RAPH1: variants seen among roughly 807,000 people sequenced by gnomAD.
RAPH1 encodes Ras association (RalGDS/AF-6) and pleckstrin homology domains 1.
In RAPH1, 18 loss-of-function variants were observed where a neutral mutation model predicts 88.1. That is an observed-to-expected ratio of 0.20 (90% CI 0.14 to 0.30). RAPH1 has a LOEUF of 0.30. RAPH1 is among the 10% of genes least tolerant of loss of function. RAPH1 has a pLI of 1.00. For missense variants in RAPH1, 1,448 were observed against 1,543.2 expected, an observed-to-expected ratio of 0.94 and a Z score of 1.03; for synonymous variants, 587 against 559.0, an observed-to-expected ratio of 1.05 and a Z score of -0.71.
At chr2:203,487,573 CAG>C (rs1217562785) in intron 4 of RAPH1, among the ~76,000 whole-genome samples, 2 of 152,006 alleles carry the variant, frequency 1.3e-5, no homozygotes, top group Admixed American at 1.3e-4. Context: ...TTAGTAGAGA[CAG>C]GGTTTCACCA....
chr2:203,506,878 A>ATC (rs1357021596), intron 1 of RAPH1, among the ~76,000 whole-genome samples: 4 of 68,292 alleles, frequency 5.9e-5, no homozygotes, highest in East Asian at 2.9e-4. Context: ...ATATATATAT[A>ATC]TAGATATATA....
At chr2:203,523,279 G>C (rs941134805) in intron 1 of RAPH1, among the ~76,000 whole-genome samples, 19 of 151,880 alleles carry the variant, frequency 1.3e-4, no homozygotes, top group African/African-American at 3.9e-4. Flanking sequence ...TGTAGTCCCA[G>C]CTACTCGGGA....
chr2:203,439,329 C>A lies in RAPH1; in HGVS notation c.*108G>T. On this transcript the variant is annotated 3_prime_UTR_variant, in exon 14 of 14. Transcript: ENST00000319170. ...ACATACACATATAGCTGGACACTAC[C>A]TGAATAACATCATACCAGGAGGCTC... 9.8e-7 allele frequency: 1 copy of A among 1,018,646 alleles called. No individual in the cohort carries two copies. Among genetic ancestry groups the A allele is most frequent in the Non-Finnish European group, 1.5e-6 (1 of 677,670 alleles). The allele number at this position is 1,018,646 out of a possible 1,614,324, so 63.1% of individuals were successfully genotyped here.
intron 1 of RAPH1, among the ~76,000 whole-genome samples, chr2:203,496,847 T>C (rs1161946325): frequency 6.6e-6 from 1 of 152,242 alleles, no homozygotes; most frequent in African/African-American, 2.4e-5. Flanking sequence ...CTCACATTTC[T>C]AAAACACGAA....
chr2:203,445,061 CAATATT>C (rs1271237152), intron 12 of RAPH1, 51 bp from the exon 13 acceptor site: 2 of 1,538,916 alleles, frequency 1.3e-6, no homozygotes, highest in Non-Finnish European at 1.8e-6. Flanking sequence ...AGTATTCTGA[CAATATT>C]CATATGTATG....
intron 1 of RAPH1, among the ~76,000 whole-genome samples, chr2:203,531,575 G>C (rs900599575): frequency 6.6e-6 from 1 of 152,122 alleles, no homozygotes; most frequent in African/African-American, 2.4e-5. Context: ...TCAAGGACTT[G>C]GATAGACATT....
At chr2:203,476,218 GATCTTGGCTCACTGTT>G (rs1230018205) in intron 4 of RAPH1, among the ~76,000 whole-genome samples, 6 of 151,994 alleles carry the variant, frequency 3.9e-5, no homozygotes, top group Admixed American at 6.6e-5. Flanking sequence ...ACAGTGGTGT[GATCTTGGCTCACTGTT>G]ATCTTGGCTC....
In RAPH1 at chr2:203,440,518, G is replaced by A; in HGVS notation, c.2672C>T (p.Ala891Val). 6.5e-7 allele frequency: 1 copy of A among 1,534,850 alleles called. No homozygotes were observed. Among genetic ancestry groups the A allele is most frequent in the Middle Eastern group, 1.8e-4 (1 of 5,648 alleles). ...QPLKPVPANV[A>V]PQSPPAVKAK... ...TTTTACTGCAGGAGGGGACTGTGGA[G>A]CTACATTTGCTGGGACAGGCTTTAA... Residue 891 changes from alanine to valine, a missense_variant, in exon 14 of 14, where the codon GCT becomes GTT. Ala to Val is a moderately conservative substitution (Grantham distance 64). Around this residue, in one of 2 missense-constraint regions of RAPH1, gnomAD observed 935 missense variants for 890.1 expected, o/e 1.05. Transcript: ENST00000319170.
intron 10 of RAPH1, 137 bp downstream of exon 10, chr2:203,454,293 C>G: frequency 1.7e-6 from 1 of 600,144 alleles, no homozygotes; most frequent in South Asian, 2.7e-5. Context: ...CCTTACCACA[C>G]TTCACCATTC....
intron 1 of RAPH1, among the ~76,000 whole-genome samples, chr2:203,505,841 G>A (rs184752234): frequency 2.6e-5 from 4 of 152,202 alleles, no homozygotes; most frequent in South Asian, 2.1e-4. Context: ...ACACACACGC[G>A]CGCGCACGCA....
At chr2:203,452,483 GCTT>G (rs1175213595) in intron 10 of RAPH1, among the ~76,000 whole-genome samples, 2 of 152,234 alleles carry the variant, frequency 1.3e-5, no homozygotes, top group East Asian at 3.9e-4. Flanking sequence ...TAATTTAGTT[GCTT>G]CTTCACAAAT....
intron 1 of RAPH1, among the ~76,000 whole-genome samples, chr2:203,495,850 TTAATC>T (rs1688486782): frequency 6.6e-6 from 1 of 152,186 alleles, no homozygotes; most frequent in Non-Finnish European, 1.5e-5. Context: ...AACAAAAATC[TTAATC>T]TAGTTTTGTT....
At position 203,439,242 on chromosome 2, in the gene RAPH1, C is replaced by A. The variant is rs1457164307; in HGVS notation, c.*195G>T. On this transcript the variant is annotated 3_prime_UTR_variant, in exon 14 of 14. Transcript: ENST00000319170. ...CTCTCTCTATATACACATACACATA[C>A]ATATATGTATACATATATACACACA... is the stretch of plus-strand genomic sequence containing the variant. The A allele has an allele frequency of 1.8e-6, 1 of 565,830 alleles. No individual in the cohort carries two copies. The highest frequency in any genetic ancestry group is 3.1e-6 in the Non-Finnish European group (1 of 318,032). The allele number at this position is 565,830 out of a possible 1,614,324, so 35.1% of individuals were successfully genotyped here.
chr2:203,517,359 C>CAAAAAAAAAAAAAAAAAAAAAAAGAAAAA (rs1689661115), intron 1 of RAPH1, among the ~76,000 whole-genome samples: 1 of 32,150 alleles, frequency 3.1e-5, no homozygotes, highest in Non-Finnish European at 6.0e-5. Context: ...CTATGAGAGG[C>CAAAAAAAAAAAAAAAAAAAAAAAGAAAAA]AAAAAAAAAA....
chr2:203,488,038 A>G (rs1312570149), intron 4 of RAPH1, among the ~76,000 whole-genome samples: 2 of 152,196 alleles, frequency 1.3e-5, no homozygotes, highest in Non-Finnish European at 2.9e-5. Flanking sequence ...TATTGTCAAC[A>G]CAAGCTTATT....
chr2:203,500,608 G>T (rs1688699908), intron 1 of RAPH1, among the ~76,000 whole-genome samples: 2 of 152,126 alleles, frequency 1.3e-5, no homozygotes, highest in South Asian at 4.1e-4. Context: ...ATGTCAAGAG[G>T]ATGGAATATT....
At chr2:203,458,847 C>G (rs892733735) in intron 7 of RAPH1, among the ~76,000 whole-genome samples, 2 of 151,956 alleles carry the variant, frequency 1.3e-5, no homozygotes, top group Non-Finnish European at 2.9e-5. Flanking sequence ...AGTGCAAGCT[C>G]CGACTCCCGG....
intron 1 of RAPH1, among the ~76,000 whole-genome samples, chr2:203,508,658 G>A (rs1689198516): frequency 6.6e-6 from 1 of 152,112 alleles, no homozygotes; most frequent in Non-Finnish European, 1.5e-5. Context: ...AACCTGTGTT[G>A]TTCAAGTGTC....
Position 203,439,412 on chromosome 2 carries a change from T to C in RAPH1, c.*25A>G, listed in dbSNP as rs747010470. The C allele has an allele frequency of 1.1e-5, 18 of 1,601,098 alleles. No homozygotes were observed. Among genetic ancestry groups the C allele is most frequent in the Admixed American group, 1.7e-5 (1 of 59,600 alleles). On this transcript the variant is annotated 3_prime_UTR_variant, in exon 14 of 14. Transcript: ENST00000319170. ...CTGATTGTAGCAGTGATTACAGATA[T>C]CATGAAAATAAAGTCCTATGGTGGC...
Sources: gnomAD v4.1 joint callset for allele counts (sites outside exome capture counted in the v4.1 genomes callset) on GRCh38, gnomAD v4.1.1 for gene constraint, gnomAD v4.1.1 regional missense constraint, MANE v1.5 for transcripts, NCBI Gene and HGNC (gene_info 2026-07-23, HGNC 2026-07-21) for gene names.